The following RNF144B variants were observed in gnomAD, a reference collection of about 807,000 sequenced individuals.
RNF144B encodes the protein ring finger protein 144B, also known as E3 ubiquitin-protein ligase RNF144B.
RNF144B carries 25 observed loss-of-function variants against 40.2 expected under a neutral mutation model. That is an observed-to-expected ratio of 0.62 (90% confidence interval 0.45 to 0.87). RNF144B has a LOEUF of 0.87. RNF144B is among the 40% of genes least tolerant of loss of function. The pLI is 0.00. For synonymous variants in RNF144B, 145 were observed against 136.3 expected (o/e 1.06, Z -0.44); for missense variants, 365 against 373.7 (o/e 0.98, Z 0.19).
rs530779329 is a variant in RNF144B, at chr6:18,454,868, C to T, written c.332-2287C>T. ...TAGAGCTATGAGAACAAATTGCATCCTTGTATCTTTTTAAGGTGATCACTA... is the reference window on the plus strand; with the variant it reads ...TAGAGCTATGAGAACAAATTGCATCTTTGTATCTTTTTAAGGTGATCACTA... On this transcript the variant is annotated intron_variant, in intron 4 of 7. Transcript: ENST00000259939. Among the ~76,000 whole-genome samples, 5 of 152,252 alleles carry T rather than the reference C, an allele frequency of 3.3e-5. No homozygotes were observed. In the East Asian group the frequency reaches 9.6e-4, roughly 29 times the overall value.
intron 1 of RNF144B, chr6:18,396,893 A>G (rs188768938): frequency 3.4e-6 from 3 of 871,870 alleles, no homozygotes; most frequent in African/African-American, 3.6e-5. Context: ...AAAATCCTGA[A>G]TTTGACGTGC....
rs576108667 is a variant in RNF144B, at chr6:18,425,914, T to C, written c.166-1667T>C. 6.6e-6 allele frequency among the ~76,000 whole-genome samples: 1 copy of C among 152,354 alleles called. No homozygotes were observed. The highest frequency in any genetic ancestry group is 1.9e-4 in the East Asian group (1 of 5,188). On this transcript the variant is annotated intron_variant, in intron 2 of 7. Coordinates refer to ENST00000259939, the MANE Select transcript of RNF144B (RefSeq NM_182757.4). The surrounding 1 kb of genome is among the most constrained non-coding windows in gnomAD (Gnocchi z 4.2). ...ATTAACTCCTTGGAGAAAAAAACTG[T>C]TAACTATTTGAAGAGATACAAGTCT...
chr6:18,409,375 CAAAAAA>C (rs770011648), intron 2 of RNF144B, among the ~76,000 whole-genome samples: 219 of 59,548 alleles, frequency 3.7e-3, no homozygotes, highest in African/African-American at 0.016. Context: ...GAGACTGTCT[CAAAAAA>C]AAAAAAAAAA....
At chr6:18,394,467 G>A (rs1229137363) in intron 1 of RNF144B, among the ~76,000 whole-genome samples, 2 of 151,984 alleles carry the variant, frequency 1.3e-5, no homozygotes, top group Non-Finnish European at 2.9e-5. Context: ...GCGTGGTGGT[G>A]GGCACCTGAA....
intron 4 of RNF144B, among the ~76,000 whole-genome samples, chr6:18,454,640 T>C (rs144063891): frequency 1.3e-5 from 2 of 152,276 alleles, no homozygotes; most frequent in East Asian, 1.9e-4. Flanking sequence ...TCAAACTCTT[T>C]CCTTGCTTTC....
intron 3 of RNF144B, among the ~76,000 whole-genome samples, chr6:18,430,926 C>G (rs888190278): frequency 2.6e-5 from 4 of 152,060 alleles, no homozygotes; most frequent in African/African-American, 9.7e-5. Context: ...TAAAACCAGA[C>G]AAACCCATAA....
chr6:18,408,945 T>G (rs1165396246), intron 2 of RNF144B, among the ~76,000 whole-genome samples: 5 of 21,410 alleles, frequency 2.3e-4, no homozygotes, highest in Non-Finnish European at 5.9e-4. Context: ...AGTGTTTTTT[T>G]TTTTTTTTTT....
At chr6:18,431,103 A>G (rs1758685141) in intron 3 of RNF144B, among the ~76,000 whole-genome samples, 1 of 152,008 alleles carries the variant, frequency 6.6e-6, no homozygotes, top group Non-Finnish European at 1.5e-5. Context: ...TTAGCCAGGC[A>G]TAGTGGTGGG....
At chr6:18,392,618 A>C (rs1794607333) in intron 1 of RNF144B, among the ~76,000 whole-genome samples, 1 of 152,166 alleles carries the variant, frequency 6.6e-6, no homozygotes, top group African/African-American at 2.4e-5. Flanking sequence ...TTATAGACTA[A>C]ATAAAGTGCT....
chr6:18,392,698 A>G (rs558087501), intron 1 of RNF144B, among the ~76,000 whole-genome samples: 4 of 152,328 alleles, frequency 2.6e-5, no homozygotes, highest in South Asian at 2.1e-4. Context: ...CAGGAGGCAC[A>G]GTGATACAAT....
rs970761556 is a variant in RNF144B at position 18,416,118 on chromosome 6, T to C, written c.166-11463T>C. Among the ~76,000 whole-genome samples the C allele has an allele frequency of 4.7e-5, 7 of 150,378 alleles. No individual in the cohort carries two copies. Among genetic ancestry groups the C allele is most frequent in the Non-Finnish European group, 1.0e-4 (7 of 67,100 alleles). ...TGTAAACTTGGCAAGCCTTCTTGTT[T>C]TCTTTCTCCTGGAATGGTCAGTTAC... On this transcript the variant is annotated intron_variant, in intron 2 of 7. Coordinates refer to ENST00000259939, the MANE Select transcript of RNF144B (RefSeq NM_182757.4). The surrounding 1 kb of genome is among the most constrained non-coding windows in gnomAD (Gnocchi z 5.5).
rs888429346 is a variant in RNF144B at position 18,444,851 on chromosome 6, C to A, written c.331+5107C>A. 6.6e-6 allele frequency among the ~76,000 whole-genome samples: 1 copy of A among 152,152 alleles called. No homozygotes were observed. The highest frequency in any genetic ancestry group is 1.5e-5 in the Non-Finnish European group (1 of 68,030). ...TCTTTGAAAGCCCTTTTGTTCTCAG[C>A]ATTCTCCTCAAGCCTCCTTTCATTT... is the stretch of plus-strand genomic sequence containing the variant. On this transcript the variant is annotated intron_variant, in intron 4 of 7. Coordinates refer to ENST00000259939, the MANE Select transcript of RNF144B (RefSeq NM_182757.4). This position sits in a 1 kb window ranked among gnomAD's most constrained non-coding sequence, Gnocchi z 4.3.
intron 1 of RNF144B, chr6:18,396,652 G>A: frequency 2.3e-5 from 23 of 985,298 alleles, no homozygotes; most frequent in Non-Finnish European, 2.7e-5. Context: ...GATTTCTCTT[G>A]AAAGAAAGAT....
At position 18,412,641 on chromosome 6, in the gene RNF144B, G is replaced by A. The variant is rs1303184664; in HGVS notation, c.165+12942G>A. Among the ~76,000 whole-genome samples the A allele has an allele frequency of 2.0e-5, 3 of 152,172 alleles. No individual in the cohort carries two copies. Among genetic ancestry groups the A allele is most frequent in the Admixed American group, 2.0e-4 (3 of 15,280 alleles). ...AATTTAGGCAAGTTGAAAAAGGGTGGTGAGTTAACTAGAAAATTCAGTTTT... is the reference window on the plus strand; with the variant it reads ...AATTTAGGCAAGTTGAAAAAGGGTGATGAGTTAACTAGAAAATTCAGTTTT... On this transcript the variant is annotated intron_variant, in intron 2 of 7. Coordinates refer to ENST00000259939, the MANE Select transcript of RNF144B (RefSeq NM_182757.4). This position sits in a 1 kb window ranked among gnomAD's most constrained non-coding sequence, Gnocchi z 4.2.
In RNF144B at chr6:18,442,735, A is replaced by C. The variant is rs1758991932; in HGVS notation, c.331+2991A>C. ...CTCCCTGAAACCCCTAGTAACCTCT[A>C]ATCCACTTTCTCTTATTTGCCTAGC... On this transcript the variant is annotated intron_variant, in intron 4 of 7. Transcript: ENST00000259939. The surrounding 1 kb of genome is among the most constrained non-coding windows in gnomAD (Gnocchi z 4.3). Among the ~76,000 whole-genome samples, 1 of 152,128 alleles carries C rather than the reference A, an allele frequency of 6.6e-6. No homozygotes were observed. The highest frequency in any genetic ancestry group is 2.1e-4 in the South Asian group (1 of 4,830).
chr6:18,432,155 G>T (rs184721195), intron 3 of RNF144B, among the ~76,000 whole-genome samples: 3 of 152,266 alleles, frequency 2.0e-5, no homozygotes, highest in Admixed American at 2.0e-4. Flanking sequence ...AACTATACAG[G>T]AGAGAGGATG....
Position 18,458,081 on chromosome 6 carries a change from G to A in RNF144B, c.536+722G>A, listed in dbSNP as rs1759371413. On this transcript the variant is annotated intron_variant, in intron 5 of 7. Coordinates refer to ENST00000259939, the MANE Select transcript of RNF144B (RefSeq NM_182757.4). The surrounding 1 kb of genome is among the most constrained non-coding windows in gnomAD (Gnocchi z 4.8). ...GCCTCCCGATTAGCTGGGATTGCAG[G>A]CACTTGCCACCACGCCTGGCTAATT... is the stretch of plus-strand genomic sequence containing the variant. Among the ~76,000 whole-genome samples, 1 of 152,076 alleles carries A rather than the reference G, an allele frequency of 6.6e-6. No individual in the cohort carries two copies. The highest frequency in any genetic ancestry group is 1.5e-5 in the Non-Finnish European group (1 of 68,014).
chr6:18,438,213 A>G (rs547512750), intron 3 of RNF144B, among the ~76,000 whole-genome samples: 3 of 152,198 alleles, frequency 2.0e-5, no homozygotes, highest in African/African-American at 7.2e-5. Context: ...TCTGTCTCCA[A>G]CTCTGAATTT....
At chr6:18,440,101 G>A (rs913254471) in intron 4 of RNF144B, among the ~76,000 whole-genome samples, 8 of 152,036 alleles carry the variant, frequency 5.3e-5, no homozygotes, top group Admixed American at 2.0e-4. Context: ...AGATCACTTC[G>A]AAACATTACC....
Sources: allele counts gnomAD v4.1 joint callset (sites outside exome capture counted in the v4.1 genomes callset), GRCh38; gene constraint gnomAD v4.1.1; non-coding constraint Gnocchi (gnomAD v3.1); transcripts MANE v1.5; gene names NCBI Gene and HGNC (gene_info 2026-07-23, HGNC 2026-07-21).